The following NRG1 variants were observed in gnomAD, a reference collection of about 807,000 sequenced individuals.
The protein encoded by NRG1 is neuregulin 1.
NRG1 carries 18 observed loss-of-function variants against 63.8 expected under a neutral mutation model. That is an observed-to-expected ratio of 0.28 (90% CI 0.19 to 0.42). The LOEUF (loss-of-function observed/expected upper bound fraction) is 0.42. Among genes scored for constraint, NRG1 ranks in the 10% least tolerant of loss-of-function variants. The pLI is 1.00. For missense variants in NRG1, 762 were observed against 814.7 expected (o/e 0.94, Z 0.79); for synonymous variants, 302 against 301.3 (o/e 1.00, Z -0.02).
chr8:32,050,253 T>C (rs572715940), intron 1 of NRG1, among the ~76,000 whole-genome samples: 1 of 152,232 alleles, frequency 6.6e-6, no homozygotes, highest in Non-Finnish European at 1.5e-5. Flanking sequence ...AAAATATATT[T>C]TCTCTTTTCT....
In NRG1 at chr8:32,760,466, CACCT is replaced by C; in HGVS notation, c.1259+61_1259+64del. Reference sequence around the variant, plus strand: ...AACTCAGTCAGAGAATCCCTGTGAGCACCTGCGGTCTCACCTCAGGAAATCTACT... The same window carrying C: ...AACTCAGTCAGAGAATCCCTGTGAGCGCGGTCTCACCTCAGGAAATCTACT... On this transcript the variant is annotated intron_variant, in intron 11 of 11. Coordinates refer to ENST00000356819, the Ensembl canonical transcript of NRG1. The C allele has an allele frequency of 3.1e-6, 5 of 1,604,146 alleles. No homozygotes were observed. The South Asian group carries it at 4.4e-5, about 14-fold the overall frequency.
At chr8:32,471,876 T>C (rs1823895160) in intron 1 of NRG1, among the ~76,000 whole-genome samples, 1 of 152,198 alleles carries the variant, frequency 6.6e-6, no homozygotes, top group South Asian at 2.1e-4. Flanking sequence ...GTGCTCAAAA[T>C]AATTGGAACT....
chr8:32,727,913 GTCCATGTT>G (rs748732427), intron 5 of NRG1, 28 bp from the exon 6 acceptor site: 23 of 1,607,836 alleles, frequency 1.4e-5, no homozygotes, highest in Non-Finnish European at 2.0e-5. Context: ...GGGAAAAAAA[GTCCATGTT>G]AACCTTTCTC....
chr8:32,069,654 C>G (rs78845883), intron 1 of NRG1, among the ~76,000 whole-genome samples: 1 of 151,966 alleles, frequency 6.6e-6, no homozygotes, highest in Non-Finnish European at 1.5e-5. Context: ...GACTGCACCT[C>G]GGGGTAAGGA....
chr8:31,694,168 A>G, intron 1 of NRG1, among the ~76,000 whole-genome samples: 1 of 152,162 alleles, frequency 6.6e-6, no homozygotes, highest in Admixed American at 6.5e-5. Context: ...GGTGGTGGGA[A>G]GGTGAGATGT....
At chr8:31,951,657 T>A (rs1256158062) in intron 1 of NRG1, among the ~76,000 whole-genome samples, 1 of 152,202 alleles carries the variant, frequency 6.6e-6, no homozygotes, top group African/African-American at 2.4e-5. Flanking sequence ...TCTATTCTGA[T>A]GAATTGATGA....
At chr8:31,699,699 C>T (rs1810439421) in intron 1 of NRG1, among the ~76,000 whole-genome samples, 2 of 128,650 alleles carry the variant, frequency 1.6e-5, no homozygotes, top group Admixed American at 1.7e-4. Flanking sequence ...ATGCTTTTTT[C>T]CTTCCTTTTT....
intron 1 of NRG1, among the ~76,000 whole-genome samples, chr8:31,978,111 T>C (rs1808494711): frequency 6.6e-6 from 1 of 152,068 alleles, no homozygotes; most frequent in Non-Finnish European, 1.5e-5. Flanking sequence ...CTCTGATAAT[T>C]ATGTATTCAT....
chr8:32,646,739 C>T, intron 5 of NRG1: 2 of 985,390 alleles, frequency 2.0e-6, no homozygotes, highest in Non-Finnish European at 2.4e-6. Flanking sequence ...CTAGGCTTAA[C>T]TGATGCCTGC....
At chr8:32,748,648 A>T (rs1299741834) in intron 7 of NRG1, 1 of 453,056 alleles carries the variant, frequency 2.2e-6, no homozygotes, top group African/African-American at 2.0e-5. Context: ...GCAGCCCTGC[A>T]GGTCCTCCAA....
At chr8:32,344,686 C>A (rs1424888098) in intron 1 of NRG1, among the ~76,000 whole-genome samples, 1 of 144,568 alleles carries the variant, frequency 6.9e-6, no homozygotes, top group Non-Finnish European at 1.5e-5. Context: ...AACTCCTGGG[C>A]TGAAGTGATC....
chr8:32,595,963 G>T, exon 2 of NRG1: 2 of 1,612,624 alleles, frequency 1.2e-6, no homozygotes, highest in South Asian at 1.1e-5. Flanking sequence ...GAATTGAATC[G>T]AAAAAACAAA....
At chr8:32,000,382 A>T (rs576598444) in intron 1 of NRG1, among the ~76,000 whole-genome samples, 14 of 151,660 alleles carry the variant, frequency 9.2e-5, no homozygotes, top group East Asian at 2.0e-4. Context: ...CTTTTTTTTT[A>T]AAAGACCGTG....
intron 6 of NRG1, among the ~76,000 whole-genome samples, chr8:32,740,952 A>G (rs1006604957): frequency 2.0e-5 from 3 of 152,170 alleles, no homozygotes; most frequent in African/African-American, 7.2e-5. Context: ...GTATAGATGA[A>G]CTATTAATAA....
chr8:32,561,767 G>A (rs560570020), intron 1 of NRG1, among the ~76,000 whole-genome samples: 11 of 150,694 alleles, frequency 7.3e-5, no homozygotes, highest in South Asian at 6.3e-4. Flanking sequence ...GGGGTCAAAG[G>A]CCTCCTAGTC....
chr8:31,707,254 TTGAC>T (rs1811242318), intron 1 of NRG1, among the ~76,000 whole-genome samples: 1 of 152,116 alleles, frequency 6.6e-6, no homozygotes, highest in Non-Finnish European at 1.5e-5. Context: ...AATTATTGAA[TTGAC>T]TATCTTTTTC....
intron 5 of NRG1, among the ~76,000 whole-genome samples, chr8:32,683,563 C>T (rs1468072305): frequency 6.6e-6 from 1 of 152,156 alleles, no homozygotes; most frequent in Non-Finnish European, 1.5e-5. Flanking sequence ...CACATTCTGC[C>T]ACCCCCATGT....
intron 1 of NRG1, among the ~76,000 whole-genome samples, chr8:32,469,389 C>G (rs1051434832): frequency 6.6e-6 from 1 of 152,112 alleles, no homozygotes; most frequent in African/African-American, 2.4e-5. Flanking sequence ...GGGAGAGTGA[C>G]GTGGATGGTA....
chr8:31,996,229 G>T (rs1015080070), intron 1 of NRG1, among the ~76,000 whole-genome samples: 6 of 151,698 alleles, frequency 4.0e-5, no homozygotes, highest in Admixed American at 2.0e-4. Flanking sequence ...CACCTTGAAG[G>T]TAGAGACCAT....
Sources: gnomAD v4.1 joint callset for allele counts (sites outside exome capture counted in the v4.1 genomes callset) on GRCh38, gnomAD v4.1.1 for gene constraint, MANE v1.5 for transcripts, NCBI Gene and HGNC (gene_info 2026-07-23, HGNC 2026-07-21) for gene names.